Variants in GPR22 observed in about 807,000 individuals in gnomAD.
GPR22 encodes G-protein coupled receptor 22.
GPR22 carries 13 observed loss-of-function variants against 31.0 expected under a neutral mutation model. The ratio of observed to expected loss-of-function variants is 0.42; its 90% confidence interval spans 0.27 to 0.67. The LOEUF (loss-of-function observed/expected upper bound fraction) is 0.67, where lower values mean the gene tolerates loss of function less well. Ranked by LOEUF, GPR22 falls within the 30% of genes least tolerant of loss-of-function variation. The pLI, the probability that GPR22 is intolerant of heterozygous loss-of-function variation, is 0.25. For missense variants in GPR22, 368 were observed against 509.6 expected, an observed-to-expected ratio of 0.72 and a Z score of 2.67; for synonymous variants, 191 against 173.4, an observed-to-expected ratio of 1.10 and a Z score of -0.80.
Position 107,471,561 on chromosome 7 carries a change from G to A in GPR22, c.-768G>A, listed in dbSNP as rs1468071898. 6.6e-6 allele frequency: 1 copy of A among 151,878 alleles called. No individual in the cohort carries two copies. Among genetic ancestry groups the A allele is most frequent in the African/African-American group, 2.4e-5 (1 of 41,364 alleles). The allele number at this position is 151,878 out of a possible 1,614,324, so 9.4% of individuals were successfully genotyped here. ...ATATAAAAAATCAACTGTATCCTAA[G>A]AAGATGCTACATAAAATAACCACAA... On this transcript the variant is annotated 5_prime_UTR_variant, in exon 2 of 3. Coordinates refer to ENST00000304402, the MANE Select transcript of GPR22 (RefSeq NM_005295.3).
At position 107,474,780 on chromosome 7, in the gene GPR22, T is replaced by C; in HGVS notation, c.720T>C (p.Ile240=). ...TYTKILQALN[I]RIGTRFSTGQ... Reference sequence around the variant, plus strand: ...CCAAAATACTTCAGGCTCTTAATATTCGAATAGGCACAAGATTTTCAACAG... The same window carrying C: ...CCAAAATACTTCAGGCTCTTAATATCCGAATAGGCACAAGATTTTCAACAG... The change falls in exon 3 of 3, where the codon ATT becomes ATC. Residue 240 remains isoleucine (I), a synonymous_variant. Transcript: ENST00000304402. This position sits in a 1 kb window ranked among gnomAD's most constrained non-coding sequence, Gnocchi z 5.7. 1 of 1,611,464 alleles carries C rather than the reference T, an allele frequency of 6.2e-7. No homozygotes were observed. Among genetic ancestry groups the C allele is most frequent in the Non-Finnish European group, 8.5e-7 (1 of 1,179,058 alleles).
chr7:107,476,558 T>C (rs148053205), downstream of GPR22, among the ~76,000 whole-genome samples: 2,133 of 151,714 alleles, frequency 0.014, 47 homozygotes, highest in African/African-American at 0.05. Flanking sequence ...TGTGGGAAAA[T>C]CATGAAATTA....
chr7:107,477,534 T>C (rs971319633), downstream of GPR22, among the ~76,000 whole-genome samples: 1 of 151,836 alleles, frequency 6.6e-6, no homozygotes, highest in Non-Finnish European at 1.5e-5. Flanking sequence ...TTTAAACTGC[T>C]ATCATTTCTA....
chr7:107,473,926 A>C (rs1038617410), intron 2 of GPR22, 109 bp from the exon 3 acceptor site: 1 of 510,658 alleles, frequency 2.0e-6, no homozygotes, highest in African/African-American at 2.1e-5. Context: ...TTACAAACTT[A>C]AAAATTAAAC....
At chr7:107,477,841 C>T (rs572728254), downstream of GPR22, among the ~76,000 whole-genome samples, 4 of 151,852 alleles carry the variant, frequency 2.6e-5, no homozygotes, top group South Asian at 2.1e-4. Flanking sequence ...TATGAAAAGA[C>T]GAAATATTTC....
At chr7:107,473,049 A>G (rs1796733101) in intron 2 of GPR22, 1 of 151,882 alleles carries the variant, frequency 6.6e-6, no homozygotes, top group African/African-American at 2.4e-5. Context: ...TCAAAATTAG[A>G]CAATGGGTGA....
chr7:107,474,314 A>ATG lies in GPR22; in HGVS notation c.256_257dup (p.Leu87TyrfsTer4), dbSNP rs1796838059. ...AGTAACATTATTACAATGAATCTTC[A>ATG]TGTACTTGATGTAATAATTTGTGTG... On this transcript the variant is annotated frameshift_variant, in exon 3 of 3. Coordinates refer to ENST00000304402, the MANE Select transcript of GPR22 (RefSeq NM_005295.3). LOFTEE classifies it high-confidence loss of function. The surrounding 1 kb of genome is among the most constrained non-coding windows in gnomAD (Gnocchi z 5.7). The ATG allele has an allele frequency of 6.2e-7, 1 of 1,607,856 alleles. No individual in the cohort carries two copies. The highest frequency in any genetic ancestry group is 1.3e-5 in the African/African-American group (1 of 74,762).
chr7:107,476,543 A>G (rs1797007881), downstream of GPR22, among the ~76,000 whole-genome samples: 1 of 151,608 alleles, frequency 6.6e-6, no homozygotes, highest in African/African-American at 2.4e-5. Context: ...CCCACCCTCA[A>G]TTCATGTGGG....
chr7:107,476,699 A>G (rs944812603), downstream of GPR22, among the ~76,000 whole-genome samples: 13 of 151,770 alleles, frequency 8.6e-5, no homozygotes, highest in African/African-American at 2.9e-4. Context: ...GTTATTTAAA[A>G]TAGGAAAATA....
chr7:107,472,432 T>C (rs1160108188), intron 2 of GPR22, 130 bp downstream of exon 2: 1 of 152,000 alleles, frequency 6.6e-6, no homozygotes, highest in Non-Finnish European at 1.5e-5. Context: ...CCCACCACAC[T>C]GTTTAACATT....
At position 107,470,167 on chromosome 7, in the gene GPR22, G is replaced by C. The variant is rs900944572; in HGVS notation, c.-1236G>C. On this transcript the variant is annotated 5_prime_UTR_variant, in exon 1 of 3. It removes an upstream start codon present in the reference 5' UTR. Coordinates refer to ENST00000304402, the MANE Select transcript of GPR22 (RefSeq NM_005295.3). ...TCTGGAGACAAGAAGCCTTCAGTAT[G>C]TTAAATTACTTTCATTATGTATTTT... 2.0e-5 allele frequency: 3 copies of C among 152,176 alleles called. No individual in the cohort carries two copies. Among genetic ancestry groups the C allele is most frequent in the Non-Finnish European group, 4.4e-5 (3 of 68,036 alleles). The allele number at this position is 152,176 out of a possible 1,614,324, so 9.4% of individuals were successfully genotyped here. A position where few individuals can be genotyped will look rare whatever the true frequency, so the allele number is the denominator to read the frequency against.
rs918181571 is a variant in GPR22 at position 107,475,646 on chromosome 7, A to G, written c.*284A>G. 1 of 270,394 alleles carries G rather than the reference A, an allele frequency of 3.7e-6. No homozygotes were observed. Among genetic ancestry groups the G allele is most frequent in the African/African-American group, 2.2e-5 (1 of 44,662 alleles). The allele number at this position is 270,394 out of a possible 1,614,324, so 16.7% of individuals were successfully genotyped here. A position where few individuals can be genotyped will look rare whatever the true frequency, so the allele number is the denominator to read the frequency against. ...GTCATATTTTTTAAGGAATAAATACATAGCCTTAAAACAGTGTATAACTTT... is the reference window on the plus strand; with the variant it reads ...GTCATATTTTTTAAGGAATAAATACGTAGCCTTAAAACAGTGTATAACTTT... On this transcript the variant is annotated 3_prime_UTR_variant, in exon 3 of 3. Transcript: ENST00000304402.
chr7:107,471,171 C>A (rs989655603), intron 1 of GPR22, among the ~76,000 whole-genome samples: 4 of 151,880 alleles, frequency 2.6e-5, no homozygotes, highest in African/African-American at 9.7e-5. Flanking sequence ...TGTTAAATAA[C>A]ATAATATATA....
Position 107,474,026 on chromosome 7 carries a change from A to T in GPR22, c.-26-9A>T. The T allele has an allele frequency of 9.1e-7, 1 of 1,101,576 alleles. No individual in the cohort carries two copies. The highest frequency in any genetic ancestry group is 1.3e-6 in the Non-Finnish European group (1 of 753,024). 68.2% of individuals were successfully genotyped at this position (1,101,576 alleles called of 1,614,324 possible). ...AATATCAAATAGTTTATTCTATTTC[A>T]CTTTCTAGGGAAAAAAACCAACTGC... On this transcript the variant is annotated splice_polypyrimidine_tract_variant and intron_variant, in intron 2 of 2. Transcript: ENST00000304402. This position sits in a 1 kb window ranked among gnomAD's most constrained non-coding sequence, Gnocchi z 5.7.
In GPR22 at chr7:107,474,557, T is replaced by G; in HGVS notation, c.497T>G (p.Ile166Ser). 6.2e-7 allele frequency: 1 copy of G among 1,610,742 alleles called. No homozygotes were observed. Among genetic ancestry groups the G allele is most frequent in the Non-Finnish European group, 8.5e-7 (1 of 1,178,336 alleles). The change falls in exon 3 of 3, where the codon ATT (isoleucine) becomes AGT (serine). Residue 166 changes from isoleucine to serine, a missense_variant. By Grantham distance (142) the Ile-to-Ser change is moderately radical (BLOSUM62 -2). Transcript: ENST00000304402. This position sits in a 1 kb window ranked among gnomAD's most constrained non-coding sequence, Gnocchi z 5.7. Reference protein sequence around the residue: ...RAVMLMISIWIFSFFSFLIPF... With the variant: ...RAVMLMISIWSFSFFSFLIPF... ...GTAATGTTAATGATATCCATTTGGA[T>G]TTTTTCTTTTTTCTCTTTCCTGATT...
In GPR22 at chr7:107,474,352, C is replaced by T. The variant is rs1315084204; in HGVS notation, c.292C>T (p.Leu98=). The T allele has an allele frequency of 6.2e-7, 1 of 1,612,560 alleles. No individual in the cohort carries two copies. ...AATAATTTGTGTGGGATGTATTCCT[C>T]TAACTATAGTTATCCTTCTGCTTTC... is the stretch of plus-strand genomic sequence containing the variant. ...DVIICVGCIP[L]TIVILLLSLE... The change falls in exon 3 of 3, where the codon CTA becomes TTA. Residue 98 remains leucine, a synonymous_variant. Transcript: ENST00000304402. This position sits in a 1 kb window ranked among gnomAD's most constrained non-coding sequence, Gnocchi z 5.7.
chr7:107,473,466 T>C (rs573953460), intron 2 of GPR22, among the ~76,000 whole-genome samples: 3 of 151,920 alleles, frequency 2.0e-5, no homozygotes, highest in Non-Finnish European at 4.4e-5. Flanking sequence ...TAACCCCAAA[T>C]ATCACCAAGC....
At chr7:107,476,383 A>G (rs1796998656), downstream of GPR22, among the ~76,000 whole-genome samples, 1 of 151,394 alleles carries the variant, frequency 6.6e-6, no homozygotes, top group Admixed American at 6.6e-5. Flanking sequence ...TTAGGGTAAT[A>G]CACTTTATAC....
chr7:107,477,079 A>C (rs1797038690), downstream of GPR22, among the ~76,000 whole-genome samples: 1 of 151,686 alleles, frequency 6.6e-6, no homozygotes, highest in South Asian at 2.1e-4. Flanking sequence ...TAGCATAAGC[A>C]AGTAAGATAT....
Sources: allele counts gnomAD v4.1 joint callset (sites outside exome capture counted in the v4.1 genomes callset), GRCh38; gene constraint gnomAD v4.1.1; non-coding constraint Gnocchi (gnomAD v3.1); transcripts MANE v1.5; gene names NCBI Gene and HGNC (gene_info 2026-07-23, HGNC 2026-07-21).